Variants in PLEKHA4 observed in about 807,000 individuals in gnomAD.
PLEKHA4 encodes pleckstrin homology domain containing A4, also known as pleckstrin homology domain-containing family A member 4.
PLEKHA4 carries 73 observed loss-of-function variants against 94.7 expected under a neutral mutation model. That is an observed-to-expected ratio of 0.77 (90% confidence interval 0.64 to 0.94). PLEKHA4 has a LOEUF of 0.94. Among genes scored for constraint, PLEKHA4 ranks in the 40% least tolerant of loss-of-function variants. The pLI, the probability that PLEKHA4 is intolerant of heterozygous loss-of-function variation, is 0.00. For missense variants in PLEKHA4, 1,049 were observed against 1,054.1 expected, an observed-to-expected ratio of 1.00 and a Z score of 0.07; for synonymous variants, 449 against 437.1, an observed-to-expected ratio of 1.03 and a Z score of -0.34.
intron 2 of PLEKHA4, among the ~76,000 whole-genome samples, chr19:48,866,453 C>T (rs918611138): frequency 2.0e-5 from 3 of 152,244 alleles, no homozygotes; most frequent in South Asian, 2.1e-4. Flanking sequence ...ATTGCAGGCA[C>T]GTGCCACCAC....
At chr19:48,860,549 T>G in intron 5 of PLEKHA4, 90 bp from the exon 6 acceptor site, 1 of 996,286 alleles carries the variant, frequency 1.0e-6, no homozygotes, top group South Asian at 1.4e-5. Flanking sequence ...GTAAACCCAG[T>G]GCTTTGGGAG....
chr19:48,853,924 C>A, intron 11 of PLEKHA4, 83 bp downstream of exon 11: 2 of 1,599,304 alleles, frequency 1.3e-6, no homozygotes, highest in South Asian at 1.1e-5. Context: ...GACGTCCAGT[C>A]AGCATCCTGA....
At chr19:48,848,222 C>T (rs1214443183) in intron 13 of PLEKHA4, among the ~76,000 whole-genome samples, 182 bp from the exon 14 acceptor site, 1 of 152,130 alleles carries the variant, frequency 6.6e-6, no homozygotes, top group Non-Finnish European at 1.5e-5. Context: ...CGCGGTGGCT[C>T]ACGCCTGTAA....
In PLEKHA4 at chr19:48,868,449, T is replaced by G. The variant is rs1184942816; in HGVS notation, c.-373A>C. The G allele has an allele frequency of 1.2e-5, 1 of 86,128 alleles. No homozygotes were observed. The highest frequency in any genetic ancestry group is 9.2e-5 in the African/African-American group (1 of 10,918). 5.3% of individuals were successfully genotyped at this position (86,128 alleles called of 1,614,324 possible). On this transcript the variant is annotated 5_prime_UTR_variant, in exon 1 of 20. Transcript: ENST00000263265. ...TCTTCCTTAAGTCTCTGTCTCATTC[T>G]CTCTCTCTCTCTCTCTCTGTCTCTC...
chr19:48,848,269 G>A (rs896831978), intron 13 of PLEKHA4, among the ~76,000 whole-genome samples: 21 of 140,700 alleles, frequency 1.5e-4, no homozygotes, highest in Admixed American at 6.4e-4. Flanking sequence ...GGCGGATCAC[G>A]AGGTCAGGAG....
At position 48,859,716 on chromosome 19, in the gene PLEKHA4, C is replaced by T. The variant is rs569222584; in HGVS notation, c.477-32G>A. 1.0e-5 allele frequency: 16 copies of T among 1,580,338 alleles called. No individual in the cohort carries two copies. The African/African-American group carries it at 1.6e-4, about 16-fold the overall frequency. The stretch of plus-strand genomic sequence containing the variant: ...AGTGGACATAGACAAGATATCACTC[C>T]TTCGAACTTCATAACAGCCCTATTC... On this transcript the variant is annotated intron_variant, in intron 6 of 19. Transcript: ENST00000263265.
At chr19:48,838,175 A>G (rs1485505837) in intron 18 of PLEKHA4, 46 bp from the exon 19 acceptor site, 14 of 855,246 alleles carry the variant, frequency 1.6e-5, no homozygotes, top group South Asian at 8.6e-5. Flanking sequence ...TACATGGGGG[A>G]GAGGTGGGGG....
At chr19:48,858,253 C>G (rs569592597) in intron 8 of PLEKHA4, among the ~76,000 whole-genome samples, 4 of 152,276 alleles carry the variant, frequency 2.6e-5, no homozygotes, top group African/African-American at 9.6e-5. Flanking sequence ...ACTGGGGACA[C>G]AAGGGAGATG....
chr19:48,863,188 CAG>C (rs778065228), intron 3 of PLEKHA4, among the ~76,000 whole-genome samples: 7 of 152,210 alleles, frequency 4.6e-5, no homozygotes, highest in Non-Finnish European at 5.9e-5. Context: ...CTTTTCAAAA[CAG>C]AGAATTAAGA....
At chr19:48,850,523 T>TA (rs1248448595) in intron 13 of PLEKHA4, among the ~76,000 whole-genome samples, 1 of 148,474 alleles carries the variant, frequency 6.7e-6, no homozygotes, top group African/African-American at 2.5e-5. Context: ...AAAAAGAAAA[T>TA]AAAAAATAGA....
intron 9 of PLEKHA4, 145 bp downstream of exon 9, chr19:48,857,277 G>A (rs1191404675): frequency 3.7e-6 from 2 of 540,158 alleles, no homozygotes; most frequent in African/African-American, 4.0e-5. Flanking sequence ...CTTTGTTACA[G>A]CCACCACATG....
At chr19:48,853,938 C>G in intron 11 of PLEKHA4, 69 bp downstream of exon 11, 1 of 1,601,242 alleles carries the variant, frequency 6.2e-7, no homozygotes, top group East Asian at 2.2e-5. Flanking sequence ...ATCCTGACTT[C>G]CGCATTCAGG....
chr19:48,843,549 T>C (rs942823815), intron 16 of PLEKHA4, among the ~76,000 whole-genome samples: 1 of 151,984 alleles, frequency 6.6e-6, no homozygotes, highest in African/African-American at 2.4e-5. Context: ...GGTGCAATCA[T>C]GGCTCAGTGC....
At position 48,859,050 on chromosome 19, in the gene PLEKHA4, C is replaced by A. The variant is rs1420792927; in HGVS notation, c.782G>T (p.Gly261Val). Reference protein sequence around the residue: ...APARRPPAPSGDTAPPARPHT... With the variant: ...APARRPPAPSVDTAPPARPHT... The stretch of plus-strand genomic sequence containing the variant: ...AGGTCGGGCAGGGGGTGCTGTGTCT[C>A]CTGAGGGGGCAGGGGGTCGCCGCGC... The change falls in exon 8 of 20, where the codon GGA (glycine) becomes GTA (valine). Residue 261 changes from glycine to valine, a missense_variant. By Grantham distance (109) the Gly-to-Val change is moderately radical. Coordinates refer to ENST00000263265, the MANE Select transcript of PLEKHA4 (RefSeq NM_020904.3). 6.7e-7 allele frequency: 1 copy of A among 1,494,070 alleles called. No individual in the cohort carries two copies. Among genetic ancestry groups the A allele is most frequent in the East Asian group, 2.5e-5 (1 of 40,124 alleles). 92.6% of individuals were successfully genotyped at this position (1,494,070 alleles called of 1,614,324 possible).
intron 13 of PLEKHA4, 54 bp downstream of exon 13, chr19:48,852,174 C>T: frequency 1.4e-6 from 2 of 1,385,288 alleles, no homozygotes; most frequent in Admixed American, 1.7e-5. Flanking sequence ...AAAGGATTTC[C>T]AGGCAGAACT....
chr19:48,856,367 A>C (rs1015467798), intron 9 of PLEKHA4, among the ~76,000 whole-genome samples: 8 of 131,718 alleles, frequency 6.1e-5, no homozygotes, highest in African/African-American at 2.0e-4. Flanking sequence ...GCAGATCACA[A>C]GGTCAGGAGA....
chr19:48,864,133 T>C (rs1430726840), intron 3 of PLEKHA4, among the ~76,000 whole-genome samples: 1 of 151,952 alleles, frequency 6.6e-6, no homozygotes, highest in Non-Finnish European at 1.5e-5. Flanking sequence ...TTTTGCCTGC[T>C]GCAGACCTTT....
At chr19:48,863,432 G>GA (rs1406628156) in intron 3 of PLEKHA4, among the ~76,000 whole-genome samples, 9 of 104,736 alleles carry the variant, frequency 8.6e-5, no homozygotes, top group African/African-American at 2.1e-4. Flanking sequence ...TAGGTTTTTT[G>GA]TTTTTTTTTT....
Position 48,859,092 on chromosome 19 carries a change from C to T in PLEKHA4, c.740G>A (p.Arg247His), listed in dbSNP as rs1381531122. 44 of 636,920 alleles carry T rather than the reference C, an allele frequency of 6.9e-5. No individual in the cohort carries two copies. The highest frequency in any genetic ancestry group is 1.9e-4 in the Admixed American group (2 of 10,402). 39.5% of individuals were successfully genotyped at this position (636,920 alleles called of 1,614,324 possible). A position where few individuals can be genotyped will look rare whatever the true frequency, so the allele number is the denominator to read the frequency against. ...SRPPSPLSLP[R>H]PRSAPARRPP... is the part of the protein sequence containing the mutation. ...TCGCCGCGCAGGGGCAGAACGGGGACGGGGGAGGCTCAGAGGCGAGGGAGG... is the reference window on the plus strand; with the variant it reads ...TCGCCGCGCAGGGGCAGAACGGGGATGGGGGAGGCTCAGAGGCGAGGGAGG... The change falls in exon 8 of 20, where the codon CGT (arginine) becomes CAT (histidine). Residue 247 changes from arginine to histidine, a missense_variant. Arg to His is a conservative substitution (Grantham distance 29). Coordinates refer to ENST00000263265, the MANE Select transcript of PLEKHA4 (RefSeq NM_020904.3).
Sources: allele counts gnomAD v4.1 joint callset (sites outside exome capture counted in the v4.1 genomes callset), GRCh38; gene constraint gnomAD v4.1.1; transcripts MANE v1.5; gene names NCBI Gene and HGNC (gene_info 2026-07-23, HGNC 2026-07-21).